ZBED4: variants seen among roughly 807,000 people sequenced by gnomAD.
ZBED4 encodes zinc finger BED-type containing 4, also known as zinc finger BED domain-containing protein 4.
A neutral mutation model predicts 15.5 loss-of-function variants in ZBED4; 4 were observed. The observed-to-expected ratio is 0.26, with a 90% CI of 0.13 to 0.59. The LOEUF (loss-of-function observed/expected upper bound fraction) is 0.59. ZBED4 is among the 20% of genes least tolerant of loss of function. The pLI is 0.90. For synonymous variants in ZBED4, 692 were observed against 608.5 expected (o/e 1.14, Z -2.02); for missense variants, 1,323 against 1,461.8 (o/e 0.91, Z 1.55).
intron 1 of ZBED4, among the ~76,000 whole-genome samples, chr22:49,869,678 G>T (rs116370410): frequency 2.0e-5 from 3 of 152,182 alleles, no homozygotes; most frequent in African/African-American, 7.2e-5. Context: ...GAAATAATCT[G>T]ATATACGTAA....
chr22:49,864,840 G>GA (rs1244062047), intron 1 of ZBED4, among the ~76,000 whole-genome samples: 3 of 35,224 alleles, frequency 8.5e-5, no homozygotes, highest in African/African-American at 7.9e-4. Flanking sequence ...AAAAAAAAAA[G>GA]CCCTGATTAA....
At position 49,883,923 on chromosome 22, in the gene ZBED4, C is replaced by T. The variant is rs1266791624; in HGVS notation, c.261C>T (p.Phe87=). ...GTGAGGATGACTATGGCGCGCTGTT[C>T]TCCCAGTACAGCAGCACCCTATACG... ...AESEDDYGAL[F]SQYSSTLYDV... The change falls in exon 2 of 2, where the codon TTC becomes TTT. Residue 87 remains phenylalanine, a synonymous_variant. Coordinates refer to ENST00000216268, the MANE Select transcript of ZBED4 (RefSeq NM_014838.3). The T allele has an allele frequency of 1.2e-6, 2 of 1,611,024 alleles. No individual in the cohort carries two copies. Among genetic ancestry groups the T allele is most frequent in the Non-Finnish European group, 8.5e-7 (1 of 1,178,288 alleles).
Position 49,886,491 on chromosome 22 carries a change from G to A in ZBED4, c.2829G>A (p.Ala943=), listed in dbSNP as rs779100198. The change falls in exon 2 of 2, where the codon GCG becomes GCA. Residue 943 remains alanine, a synonymous_variant. Transcript: ENST00000216268. This position sits in a 1 kb window ranked among gnomAD's most constrained non-coding sequence, Gnocchi z 7.7. The stretch of plus-strand genomic sequence containing the variant: ...GTGCGCTAAAGCCCTTCGAGGCTGC[G>A]AGCCGGGAGATGAGCACGCAGATGT... ...VCRALKPFEA[A]SREMSTQMST... is the part of the protein sequence containing the mutation. 2.1e-5 allele frequency: 33 copies of A among 1,564,598 alleles called. No homozygotes were observed. Among genetic ancestry groups the A allele is most frequent in the South Asian group, 1.1e-4 (9 of 83,204 alleles).
In ZBED4 at chr22:49,886,334, A is replaced by G. The variant is rs547748501; in HGVS notation, c.2672A>G (p.Lys891Arg). 51 of 1,600,890 alleles carry G rather than the reference A, an allele frequency of 3.2e-5. No individual in the cohort carries two copies. The South Asian group carries it at 4.8e-4, about 15-fold the overall frequency. Residue 891 changes from lysine (K) to arginine (R), a missense_variant, in exon 2 of 2, where the codon AAG becomes AGG. Physicochemically the swap from Lys to Arg is conservative, Grantham distance 26. Transcript: ENST00000216268. This position sits in a 1 kb window ranked among gnomAD's most constrained non-coding sequence, Gnocchi z 7.7. ...CACCTCATCCAGGACGTCCCGTCCAAGTGGAGCACTTCCTTCCACATGCTC... is the reference window on the plus strand; with the variant it reads ...CACCTCATCCAGGACGTCCCGTCCAGGTGGAGCACTTCCTTCCACATGCTC... ...QHHLIQDVPS[K>R]WSTSFHMLER...
chr22:49,860,842 G>A (rs1021535195), intron 1 of ZBED4, among the ~76,000 whole-genome samples: 11 of 148,480 alleles, frequency 7.4e-5, no homozygotes, highest in East Asian at 2.0e-4. Flanking sequence ...GCAGTGGCTC[G>A]ATCTTGGCTC....
At chr22:49,863,382 A>G (rs1018555484) in intron 1 of ZBED4, among the ~76,000 whole-genome samples, 2 of 152,154 alleles carry the variant, frequency 1.3e-5, no homozygotes, top group Non-Finnish European at 2.9e-5. Context: ...TAATCCCAGC[A>G]CTTTGGGAGG....
chr22:49,865,507 T>C (rs1295365792), intron 1 of ZBED4, among the ~76,000 whole-genome samples: 1 of 150,394 alleles, frequency 6.6e-6, no homozygotes, highest in East Asian at 1.9e-4. Context: ...AAAAAAAAAA[T>C]AATAACCCGT....
chr22:49,861,390 C>T (rs1000163812), intron 1 of ZBED4, among the ~76,000 whole-genome samples: 1 of 152,126 alleles, frequency 6.6e-6, no homozygotes, highest in African/African-American at 2.4e-5. Flanking sequence ...GATCTGCCTG[C>T]CTCAGTCTCT....
intron 1 of ZBED4, among the ~76,000 whole-genome samples, chr22:49,876,647 G>A (rs753398945): frequency 5.3e-5 from 8 of 151,768 alleles, no homozygotes; most frequent in Non-Finnish European, 7.4e-5. Context: ...CCCTTTTCCT[G>A]TTTGCCCTGA....
rs1273186649 is a variant in ZBED4 at position 49,884,445 on chromosome 22, C to G, written c.783C>G (p.Leu261=). The change falls in exon 2 of 2, where the codon CTC becomes CTG. Residue 261 remains leucine (L), a synonymous_variant. Coordinates refer to ENST00000216268, the MANE Select transcript of ZBED4 (RefSeq NM_014838.3). ...LVGSSPHLPA[L]HYDEPAENLA... ...GGTCGTCTCCCCACCTCCCTGCTCT[C>G]CATTACGATGAACCTGCAGAGAACT... 6.2e-7 allele frequency: 1 copy of G among 1,614,202 alleles called. No homozygotes were observed. Among genetic ancestry groups the G allele is most frequent in the Non-Finnish European group, 8.5e-7 (1 of 1,180,032 alleles).
At chr22:49,857,253 G>A (rs368596845) in intron 1 of ZBED4, among the ~76,000 whole-genome samples, 1 of 152,236 alleles carries the variant, frequency 6.6e-6, no homozygotes, top group East Asian at 1.9e-4. Flanking sequence ...CTCCCCAGCA[G>A]CGTTCAGCCA....
chr22:49,885,627 C>T lies in ZBED4; in HGVS notation c.1965C>T (p.Ala655=). 6.2e-7 allele frequency: 1 copy of T among 1,610,728 alleles called. No homozygotes were observed. Among genetic ancestry groups the T allele is most frequent in the Non-Finnish European group, 8.5e-7 (1 of 1,177,752 alleles). ...AGTTTTACGATTCTCACCCAGTTGC[C>T]AAAAAAATCACAAGTCTCATAGCTG... The part of the protein sequence containing the change: ...NEKFYDSHPV[A]KKITSLIAEM... The change falls in exon 2 of 2, where the codon GCC becomes GCT. Residue 655 remains alanine (A), a synonymous_variant. Transcript: ENST00000216268.
At chr22:49,859,010 T>TGTGTCCCTGCCCCCC (rs2060286367) in intron 1 of ZBED4, among the ~76,000 whole-genome samples, 2 of 152,026 alleles carry the variant, frequency 1.3e-5, no homozygotes, top group Admixed American at 6.5e-5. Context: ...ACTGGCCCTT[T>TGTGTCCCTGCCCCCC]AAATTGTGTC....
chr22:49,882,515 T>C (rs2060414569), intron 1 of ZBED4, among the ~76,000 whole-genome samples: 2 of 152,264 alleles, frequency 1.3e-5, no homozygotes, highest in Admixed American at 1.3e-4. Context: ...TACTTGGTTT[T>C]AGTTCCTTAG....
At chr22:49,872,704 AT>A (rs756656616) in intron 1 of ZBED4, among the ~76,000 whole-genome samples, 1,900 of 144,024 alleles carry the variant, frequency 0.013, 71 homozygotes, top group Admixed American at 0.078. Flanking sequence ...TAATTTTTAA[AT>A]TTTTTTTTTT....
chr22:49,879,290 A>C (rs1053056283), intron 1 of ZBED4, among the ~76,000 whole-genome samples: 1 of 150,568 alleles, frequency 6.6e-6, no homozygotes, highest in Non-Finnish European at 1.5e-5. Flanking sequence ...ACGCCGCGCT[A>C]ATTTTTTTGT....
chr22:49,865,812 T>C (rs1171823996), intron 1 of ZBED4, among the ~76,000 whole-genome samples: 2 of 152,170 alleles, frequency 1.3e-5, no homozygotes, highest in East Asian at 1.9e-4. Flanking sequence ...TCTGCATTCA[T>C]TGTGCTCGAA....
At position 49,888,588 on chromosome 22, in the gene ZBED4, T is replaced by G. The variant is rs2060452287; in HGVS notation, c.*1410T>G. 6.0e-6 allele frequency: 1 copy of G among 167,386 alleles called. No individual in the cohort carries two copies. Among genetic ancestry groups the G allele is most frequent in the East Asian group, 1.9e-4 (1 of 5,334 alleles). 10.4% of individuals were successfully genotyped at this position (167,386 alleles called of 1,614,324 possible). A position where few individuals can be genotyped will look rare whatever the true frequency, so the allele number is the denominator to read the frequency against. ...GGGCTCCAGGGAAGTGGAGATGTAA[T>G]TCTTACAACAACAGTTCTGATCATG... On this transcript the variant is annotated 3_prime_UTR_variant, in exon 2 of 2. Coordinates refer to ENST00000216268, the MANE Select transcript of ZBED4 (RefSeq NM_014838.3).
Position 49,883,819 on chromosome 22 carries a change from G to T in ZBED4, c.157G>T (p.Asp53Tyr). Residue 53 changes from aspartate (D) to tyrosine (Y), a missense_variant, in exon 2 of 2, where the codon GAC (aspartate) becomes TAC (tyrosine). By Grantham distance (160) the Asp-to-Tyr change is radical. Transcript: ENST00000216268. ...KSEQEDMKQT[D>Y]SGGERAGLGG... The stretch of plus-strand genomic sequence containing the variant: ...CGAGCAGGAGGACATGAAGCAGACA[G>T]ACAGCGGTGGGGAGCGAGCGGGCCT... 6.2e-7 allele frequency: 1 copy of T among 1,612,996 alleles called. No homozygotes were observed. Among genetic ancestry groups the T allele is most frequent in the Non-Finnish European group, 8.5e-7 (1 of 1,178,980 alleles).
Sources: gnomAD v4.1 joint callset for allele counts (sites outside exome capture counted in the v4.1 genomes callset) on GRCh38, gnomAD v4.1.1 for gene constraint, Gnocchi (gnomAD v3.1) non-coding constraint, MANE v1.5 for transcripts, NCBI Gene and HGNC (gene_info 2026-07-23, HGNC 2026-07-21) for gene names.